Variants in MGAT4C observed in about 807,000 individuals in gnomAD.
MGAT4C encodes alpha-1,3-mannosyl-glycoprotein 4-beta-N-acetylglucosaminyltransferase C.
Under a neutral mutation model 40.1 loss-of-function variants are expected in MGAT4C, and 19 were observed. The ratio of observed to expected loss-of-function variants is 0.47; its 90% CI spans 0.33 to 0.70. The LOEUF (loss-of-function observed/expected upper bound fraction) is 0.70. Among genes scored for constraint, MGAT4C ranks in the 30% least tolerant of loss-of-function variants. MGAT4C has a pLI of 0.02. For missense variants in MGAT4C, 491 were observed against 563.2 expected (o/e 0.87, Z 1.30); for synonymous variants, 181 against 187.1 (o/e 0.97, Z 0.27).
intron 3 of MGAT4C, among the ~76,000 whole-genome samples, chr12:86,408,900 G>C (rs1040763179): frequency 6.6e-6 from 1 of 151,902 alleles, no homozygotes; most frequent in African/African-American, 2.4e-5. Context: ...TTTAGAAATG[G>C]TTCAAGTCTG....
intron 1 of MGAT4C, among the ~76,000 whole-genome samples, chr12:86,191,122 CACACACACACA>C (rs1566117963): frequency 9.8e-5 from 14 of 142,174 alleles, no homozygotes; most frequent in East Asian, 2.0e-4. Flanking sequence ...CACACACACA[CACACACACACA>C]CCCCTATAGG....
At position 86,112,667 on chromosome 12, in the gene MGAT4C, C is replaced by T. The variant is rs140474569; in HGVS notation, c.-56-62944G>A. Among the ~76,000 whole-genome samples the T allele has an allele frequency of 5.2e-3, 782 of 151,668 alleles. 3 individuals carry two copies. The highest frequency in any genetic ancestry group is 0.01 in the Middle Eastern group (3 of 294). On this transcript the variant is annotated intron_variant, in intron 1 of 4. Coordinates refer to ENST00000611864, the MANE Select transcript of MGAT4C (RefSeq NM_001351288.2). ...AACTGGGTAATAAAAAGGACACATA[C>T]AATAAAAGTTTGACAATTAGGGAGA... is the stretch of plus-strand genomic sequence containing the variant.
intron 1 of MGAT4C, among the ~76,000 whole-genome samples, chr12:86,776,665 T>A (rs185547651): frequency 2.7e-4 from 41 of 152,210 alleles, no homozygotes; most frequent in African/African-American, 9.9e-4. Flanking sequence ...CCTTGTATGT[T>A]AAAAATCCTC....
chr12:86,583,509 A>T (rs1593010219), intron 2 of MGAT4C, among the ~76,000 whole-genome samples: 1 of 151,344 alleles, frequency 6.6e-6, no homozygotes, highest in East Asian at 1.9e-4. Flanking sequence ...AACTCTATTT[A>T]TCAGGGTCAA....
At position 85,992,200 on chromosome 12, in the gene MGAT4C, C is replaced by T. The variant is rs567297180; in HGVS notation, c.-6-2648G>A. ...GTCAGTCAGTTAAAAGCGACTAGCA[C>T]AGCTACCAGGACTTAAGACATGGAG... On this transcript the variant is annotated intron_variant, in intron 2 of 4. Coordinates refer to ENST00000611864, the MANE Select transcript of MGAT4C (RefSeq NM_001351288.2). Among the ~76,000 whole-genome samples the T allele has an allele frequency of 2.0e-5, 3 of 152,306 alleles. No individual in the cohort carries two copies. The South Asian group carries it at 6.2e-4, about 32-fold the overall frequency.
rs922557961 is a variant in MGAT4C at position 86,132,033 on chromosome 12, G to A, written c.-56-82310C>T. ...AAAAATTCCATAAATTTTTTTGATG[G>A]TAAGAATTTAGTCTCTCTCTGGACA... On this transcript the variant is annotated intron_variant, in intron 1 of 4. Transcript: ENST00000611864. Among the ~76,000 whole-genome samples the A allele has an allele frequency of 2.0e-5, 3 of 152,018 alleles. No individual in the cohort carries two copies. The East Asian group carries it at 5.8e-4, about 29-fold the overall frequency.
intron 1 of MGAT4C, among the ~76,000 whole-genome samples, chr12:86,187,125 A>C (rs1888851014): frequency 1.3e-5 from 2 of 152,054 alleles, no homozygotes; most frequent in South Asian, 2.1e-4. Context: ...TTTTTAAAAC[A>C]CAGGATGTGA....
chr12:86,003,402 A>G (rs985297912), intron 2 of MGAT4C, among the ~76,000 whole-genome samples: 11 of 152,136 alleles, frequency 7.2e-5, no homozygotes, highest in African/African-American at 2.7e-4. Context: ...TCGACCTTAG[A>G]ATAAGTGTAC....
chr12:86,339,801 G>GT (rs1239600322), intron 3 of MGAT4C, among the ~76,000 whole-genome samples: 1 of 151,994 alleles, frequency 6.6e-6, no homozygotes, highest in African/African-American at 2.4e-5. Context: ...TGCCACAATA[G>GT]TTTTTCTTTT....
chr12:86,771,697 T>C, intron 1 of MGAT4C, among the ~76,000 whole-genome samples: 1 of 69,896 alleles, frequency 1.4e-5, no homozygotes, highest in African/African-American at 3.1e-5. Flanking sequence ...TGTGTGTGTG[T>C]GTGTGTGTGT....
At chr12:86,132,637 C>G (rs562869965) in intron 1 of MGAT4C, among the ~76,000 whole-genome samples, 6 of 151,854 alleles carry the variant, frequency 4.0e-5, no homozygotes, top group African/African-American at 1.4e-4. Flanking sequence ...ACTAAACATA[C>G]AAAAATTAGC....
At chr12:86,665,351 T>G (rs550205769) in intron 2 of MGAT4C, among the ~76,000 whole-genome samples, 1 of 152,152 alleles carries the variant, frequency 6.6e-6, no homozygotes, top group South Asian at 2.1e-4. Flanking sequence ...TATAGACACA[T>G]GATTGTGTTG....
chr12:86,693,648 C>G (rs1343994494), intron 2 of MGAT4C, among the ~76,000 whole-genome samples: 1 of 151,828 alleles, frequency 6.6e-6, no homozygotes, highest in Non-Finnish European at 1.5e-5. Flanking sequence ...TTTTTAGAAG[C>G]AAAGAAAATG....
intron 2 of MGAT4C, among the ~76,000 whole-genome samples, chr12:86,693,359 A>G (rs1031017101): frequency 2.0e-5 from 3 of 152,220 alleles, no homozygotes; most frequent in Non-Finnish European, 4.4e-5. Flanking sequence ...ATATTTTACA[A>G]AAACTAGTGT....
chr12:86,650,275 G>C (rs1963658972), intron 2 of MGAT4C, among the ~76,000 whole-genome samples: 1 of 151,864 alleles, frequency 6.6e-6, no homozygotes, highest in Non-Finnish European at 1.5e-5. Context: ...TAAGCTTAGA[G>C]TTCTACCAAG....
At chr12:86,606,761 A>G (rs1404558749) in intron 2 of MGAT4C, among the ~76,000 whole-genome samples, 1 of 152,154 alleles carries the variant, frequency 6.6e-6, no homozygotes, top group African/African-American at 2.4e-5. Flanking sequence ...AAAAGGCTGC[A>G]TTATTACAGG....
chr12:86,591,048 A>T (rs955035292), intron 2 of MGAT4C, among the ~76,000 whole-genome samples: 6 of 152,030 alleles, frequency 3.9e-5, no homozygotes, highest in Non-Finnish European at 5.9e-5. Flanking sequence ...CTGTTTTATT[A>T]GTAGCTGTGC....
chr12:86,822,225 G>C lies in MGAT4C; in HGVS notation c.-262+16441C>G, dbSNP rs185377635. ...AGAAGTTACAAAAAAGTCAAAGGAA[G>C]GAATCAAAGTTTATCACTGAAAACA... On this transcript the variant is annotated intron_variant, in intron 1 of 7. Transcript: ENST00000548651. 2.7e-5 allele frequency among the ~76,000 whole-genome samples: 4 copies of C among 150,902 alleles called. No homozygotes were observed. The East Asian group carries it at 7.8e-4, about 29-fold the overall frequency.
intron 3 of MGAT4C, among the ~76,000 whole-genome samples, chr12:86,346,699 C>T (rs568157364): frequency 6.6e-6 from 1 of 152,256 alleles, no homozygotes; most frequent in East Asian, 1.9e-4. Flanking sequence ...TGAGTGTCAA[C>T]ATGATTGGAT....
Sources: gnomAD v4.1 joint callset for allele counts (sites outside exome capture counted in the v4.1 genomes callset) on GRCh38, gnomAD v4.1.1 for gene constraint, MANE v1.5 for transcripts, NCBI Gene and HGNC (gene_info 2026-07-23, HGNC 2026-07-21) for gene names.